The following TMEM230 variants were observed in gnomAD, a reference collection of about 807,000 sequenced individuals.
TMEM230 encodes transmembrane protein 230.
Under a neutral mutation model 15.8 loss-of-function variants are expected in TMEM230, and 10 were observed. That is an observed-to-expected ratio of 0.63 (90% confidence interval 0.39 to 1.07). The LOEUF is 1.07. TMEM230 is among the 50% of genes least tolerant of loss of function. The pLI is 0.01. For missense variants in TMEM230, 165 were observed against 193.3 expected (o/e 0.85, Z 0.87); for synonymous variants, 67 against 76.9 (o/e 0.87, Z 0.68).
chr20:5,090,984 C>T (rs2089490285), intron 3 of TMEM230, among the ~76,000 whole-genome samples: 1 of 152,152 alleles, frequency 6.6e-6, no homozygotes, highest in Non-Finnish European at 1.5e-5. Flanking sequence ...CCAAGAACTA[C>T]TGATTTTCAT....
At chr20:5,102,378 C>T (rs1429803095) in intron 4 of TMEM230, among the ~76,000 whole-genome samples, 7 of 152,098 alleles carry the variant, frequency 4.6e-5, no homozygotes, top group Non-Finnish European at 1.0e-4. Context: ...GGTTTCGCTG[C>T]TGAATTATAC....
chr20:5,110,580 C>T (rs2090272571), intron 2 of TMEM230, among the ~76,000 whole-genome samples: 1 of 152,168 alleles, frequency 6.6e-6, no homozygotes, highest in Non-Finnish European at 1.5e-5. Flanking sequence ...TGCCGGGCCC[C>T]TTGTAAATTT....
At chr20:5,088,675 CTTAA>C (rs1165912003) in intron 3 of TMEM230, among the ~76,000 whole-genome samples, 2 of 151,934 alleles carry the variant, frequency 1.3e-5, no homozygotes, top group African/African-American at 4.8e-5. Flanking sequence ...CCATGCCTGG[CTTAA>C]TTAAAAAAAA....
intron 3 of TMEM230, among the ~76,000 whole-genome samples, chr20:5,085,702 C>CA (rs759433922): frequency 2.1e-3 from 324 of 151,294 alleles, no homozygotes; most frequent in Non-Finnish European, 3.5e-3. Context: ...TAGTCCCAGA[C>CA]AAAAAAAAGC....
At chr20:5,071,628 A>G (rs915396583) in intron 3 of TMEM230, among the ~76,000 whole-genome samples, 2 of 17,200 alleles carry the variant, frequency 1.2e-4, no homozygotes, top group Non-Finnish European at 5.7e-4. Flanking sequence ...CGTCTCAAAA[A>G]AAAAAAAAAA....
chr20:5,111,567 C>T lies in TMEM230; in HGVS notation c.107G>A (p.Gly36Asp), dbSNP rs2090320246. The change falls in exon 2 of 5, where the codon GGT becomes GAT. Residue 36 changes from glycine (G) to aspartate (D), a missense_variant. By Grantham distance (94) the Gly-to-Asp change is moderately conservative (BLOSUM62 -1). Coordinates refer to ENST00000342308, the MANE Select transcript of TMEM230 (RefSeq NM_001009923.2). ...GAGATTGCAGTGAGCTGAGATCACA[C>T]CACTGGGCTCCAGCCTGGGCGACAG... 1 of 150,210 alleles carries T rather than the reference C, an allele frequency of 6.7e-6. No individual in the cohort carries two copies. Among genetic ancestry groups the T allele is most frequent in the South Asian group, 9.7e-5 (1 of 10,286 alleles). The allele number at this position is 150,210 out of a possible 1,614,324, so 9.3% of individuals were successfully genotyped here.
the TMEM230 span, among the ~76,000 whole-genome samples, chr20:5,060,539 G>T: frequency 2.0e-5 from 3 of 151,916 alleles, no homozygotes; most frequent in South Asian, 4.2e-4. Context: ...ATTTCACCCG[G>T]TTAGCCAGGC....
intron 3 of TMEM230, among the ~76,000 whole-genome samples, chr20:5,087,247 C>T (rs922713465): frequency 7.9e-5 from 12 of 152,144 alleles, no homozygotes; most frequent in South Asian, 2.1e-4. Flanking sequence ...GACACCATCA[C>T]GGCCTCAGCT....
At chr20:5,085,354 T>C (rs887731717) in intron 3 of TMEM230, among the ~76,000 whole-genome samples, 1 of 152,042 alleles carries the variant, frequency 6.6e-6, no homozygotes, top group Non-Finnish European at 1.5e-5. Flanking sequence ...AGTGGCACAA[T>C]CTCAGCTCAC....
At chr20:5,109,115 A>G (rs968215926) in intron 3 of TMEM230, 4 of 406,544 alleles carry the variant, frequency 9.8e-6, no homozygotes, top group Non-Finnish European at 1.7e-5. Flanking sequence ...TTACAACTAA[A>G]AATTCTTAGA....
chr20:5,064,327 A>G (rs187360228), downstream of TMEM230, among the ~76,000 whole-genome samples: 13 of 151,904 alleles, frequency 8.6e-5, no homozygotes, highest in East Asian at 2.5e-3. Flanking sequence ...CTGTAATCCC[A>G]GCACTTTGGG....
At chr20:5,078,009 G>A (rs2089055851) in intron 3 of TMEM230, among the ~76,000 whole-genome samples, 1 of 151,826 alleles carries the variant, frequency 6.6e-6, no homozygotes, top group African/African-American at 2.4e-5. Context: ...GGTGATATTT[G>A]TATCAACACT....
chr20:5,077,138 T>C (rs1056265578), intron 3 of TMEM230, among the ~76,000 whole-genome samples: 3 of 151,742 alleles, frequency 2.0e-5, no homozygotes, highest in African/African-American at 7.3e-5. Context: ...AGACCCCATC[T>C]CTACAAAAAA....
At chr20:5,076,643 T>C (rs1455767260) in intron 3 of TMEM230, among the ~76,000 whole-genome samples, 2 of 152,040 alleles carry the variant, frequency 1.3e-5, no homozygotes, top group Non-Finnish European at 2.9e-5. Flanking sequence ...TCTCTGTGTA[T>C]ACTTTGCCTG....
At position 5,100,497 on chromosome 20, in the gene TMEM230, T is replaced by C; in HGVS notation, c.*294A>G. ...ACTATTTAAAAGAAATGCTCAGCTC[T>C]ACAGAGGGTGGTGGCAGGCAACACT... On this transcript the variant is annotated 3_prime_UTR_variant, in exon 5 of 5. Transcript: ENST00000342308. The C allele has an allele frequency of 8.8e-7, 1 of 1,133,558 alleles. No homozygotes were observed. The highest frequency in any genetic ancestry group is 1.1e-6 in the Non-Finnish European group (1 of 920,334). 70.2% of individuals were successfully genotyped at this position (1,133,558 alleles called of 1,614,324 possible). A position where few individuals can be genotyped will look rare whatever the true frequency, so the allele number is the denominator to read the frequency against.
At chr20:5,095,307 A>T (rs995327108), downstream of TMEM230, among the ~76,000 whole-genome samples, 2 of 152,128 alleles carry the variant, frequency 1.3e-5, no homozygotes, top group Non-Finnish European at 2.9e-5. Flanking sequence ...CTCCCACAGA[A>T]ATCGAAAGAA....
At chr20:5,084,273 G>T (rs1161217407) in intron 3 of TMEM230, among the ~76,000 whole-genome samples, 1 of 151,216 alleles carries the variant, frequency 6.6e-6, no homozygotes, top group Non-Finnish European at 1.5e-5. Context: ...ACCCAGGCTG[G>T]AGTGTAGTGG....
exon 4 of TMEM230, chr20:5,069,336 G>A (rs1381429141): frequency 3.1e-5 from 48 of 1,533,840 alleles, no homozygotes; most frequent in Non-Finnish European, 4.2e-5. Flanking sequence ...TTCCCGTGAG[G>A]TGGATTCGAG....
chr20:5,079,537 G>C (rs55652306), intron 3 of TMEM230, among the ~76,000 whole-genome samples: 10,692 of 152,132 alleles, frequency 0.07, 477 homozygotes, highest in Non-Finnish European at 0.1. Context: ...ACCGAGGCTG[G>C]AGTGCAATGG....
Sources: gnomAD v4.1 joint callset for allele counts (sites outside exome capture counted in the v4.1 genomes callset) on GRCh38, gnomAD v4.1.1 for gene constraint, MANE v1.5 for transcripts, NCBI Gene and HGNC (gene_info 2026-07-23, HGNC 2026-07-21) for gene names.